FBXO41: variants seen among roughly 807,000 people sequenced by gnomAD.
FBXO41 encodes F-box protein 41.
Under a neutral mutation model 81.6 loss-of-function variants are expected in FBXO41, and 33 were observed. The ratio of observed to expected loss-of-function variants is 0.40; its 90% CI spans 0.31 to 0.54. The LOEUF (loss-of-function observed/expected upper bound fraction) is 0.54, where lower values mean the gene tolerates loss of function less well. Among genes scored for constraint, FBXO41 ranks in the 20% least tolerant of loss-of-function variants. The pLI is 0.39. For synonymous variants in FBXO41, 576 were observed against 552.7 expected (o/e 1.04, Z -0.59); for missense variants, 1,107 against 1,236.0 (o/e 0.90, Z 1.56).
chr2:73,276,856 A>G (rs928557602), intron 1 of FBXO41, among the ~76,000 whole-genome samples: 1 of 150,364 alleles, frequency 6.7e-6, no homozygotes, highest in Admixed American at 6.6e-5. Flanking sequence ...CAAAGTGACC[A>G]GAGATATTCT....
rs192354258 is a variant in FBXO41 at position 73,276,987 on chromosome 2, G to T, written c.-139+7173C>A. ...TAACTAAGTGCTGGTCCTTCCTGTG[G>T]GGGGCATCTTTCAGGGCCCCAGAAG... is the stretch of plus-strand genomic sequence containing the variant. On this transcript the variant is annotated intron_variant, in intron 1 of 12. Coordinates refer to ENST00000520530, the MANE Select transcript of FBXO41 (RefSeq NM_001371389.2). Among the ~76,000 whole-genome samples, 274 of 152,286 alleles carry T rather than the reference G, an allele frequency of 1.8e-3. 1 individual carries two copies. Among genetic ancestry groups the T allele is most frequent in the African/African-American group, 6.4e-3 (266 of 41,548 alleles).
rs752514254 is a variant in FBXO41 at position 73,259,287 on chromosome 2, C to T, written c.2459G>A (p.Arg820Gln). 14 of 1,613,864 alleles carry T rather than the reference C, an allele frequency of 8.7e-6. No individual in the cohort carries two copies. Among genetic ancestry groups the T allele is most frequent in the Middle Eastern group, 3.3e-4 (2 of 6,084 alleles). The part of the protein sequence containing the change: ...KALLHFNSIC[R>Q]NLKSIVVQIG... ...CTGGACCACAATGGACTTGAGGTTCCGGCAGATGCCTGAGAAAAGGTGAGC... is the reference window on the plus strand; with the variant it reads ...CTGGACCACAATGGACTTGAGGTTCTGGCAGATGCCTGAGAAAAGGTGAGC... Residue 820 changes from arginine (R) to glutamine (Q), a missense_variant, in exon 12 of 13, where the codon CGG becomes CAG. By Grantham distance (43) the Arg-to-Gln change is conservative. This residue lies in a region of FBXO41 where 336 missense variants were observed against 446.7 expected (regional missense o/e 0.75). Transcript: ENST00000520530. This position sits in a 1 kb window ranked among gnomAD's most constrained non-coding sequence, Gnocchi z 4.2.
intron 4 of FBXO41, 95 bp downstream of exon 4, chr2:73,265,798 G>A: frequency 6.8e-7 from 1 of 1,472,512 alleles, no homozygotes; most frequent in Non-Finnish European, 9.2e-7. Context: ...CCCAGGGAGG[G>A]TAGGGGCAGG....
At position 73,269,286 on chromosome 2, in the gene FBXO41, G is replaced by A. The variant is rs973811091; in HGVS notation, c.345C>T (p.Leu115=). 16 of 1,530,858 alleles carry A rather than the reference G, an allele frequency of 1.0e-5. No homozygotes were observed. In the African/African-American group the frequency reaches 2.3e-4, roughly 22 times the overall value. The allele number at this position is 1,530,858 out of a possible 1,614,324, so 94.8% of individuals were successfully genotyped here. Residue 115 remains leucine, a synonymous_variant, in exon 2 of 13, where the codon CTC becomes CTT. Transcript: ENST00000520530. This position sits in a 1 kb window ranked among gnomAD's most constrained non-coding sequence, Gnocchi z 7.0. ...GCACCAGGTCGCCGGGGAAGTGGGC[G>A]AGGGGAGCGTGGTGATGGTGGTGGT... ...LLHHHHHHAP[L]AHFPGDLVPA...
intron 1 of FBXO41, among the ~76,000 whole-genome samples, chr2:73,277,365 C>G (rs1170084755): frequency 4.6e-5 from 7 of 152,198 alleles, no homozygotes; most frequent in Admixed American, 2.0e-4. Context: ...GGAGGTAGGA[C>G]AGCAGGAAAA....
chr2:73,270,452 A>G (rs1688459652), intron 1 of FBXO41, among the ~76,000 whole-genome samples: 1 of 152,186 alleles, frequency 6.6e-6, no homozygotes, highest in Admixed American at 6.5e-5. Context: ...GCACCCCCAC[A>G]CAGGCTGGAA....
chr2:73,266,617 C>G lies in FBXO41; in HGVS notation c.971G>C (p.Arg324Pro). The change falls in exon 3 of 13, where the codon CGG (arginine) becomes CCG (proline). Residue 324 changes from arginine to proline, a missense_variant. Transcript: ENST00000520530. This position sits in a 1 kb window ranked among gnomAD's most constrained non-coding sequence, Gnocchi z 5.3. ...GAGCTCCTCAATGAACTGCTGCAGC[C>G]GCAGCTTGGCGCTGGCCTCCCGCGC... ...TAAREASAKLRLQQFIEELLE... is the reference protein window; with the variant it reads ...TAAREASAKLPLQQFIEELLE... 6.2e-7 allele frequency: 1 copy of G among 1,609,992 alleles called. No homozygotes were observed. Among genetic ancestry groups the G allele is most frequent in the Non-Finnish European group, 8.5e-7 (1 of 1,178,394 alleles).
chr2:73,269,631 G>A lies in FBXO41; in HGVS notation c.-1C>T, dbSNP rs1688423988. 8.3e-7 allele frequency: 1 copy of A among 1,209,578 alleles called. No individual in the cohort carries two copies. Among genetic ancestry groups the A allele is most frequent in the Non-Finnish European group, 1.0e-6 (1 of 971,478 alleles). 74.9% of individuals were successfully genotyped at this position (1,209,578 alleles called of 1,614,324 possible). On this transcript the variant is annotated 5_prime_UTR_variant, in exon 2 of 13. Transcript: ENST00000520530. The surrounding 1 kb of genome is among the most constrained non-coding windows in gnomAD (Gnocchi z 7.0). ...GGTACGGCAGGTCCAGCGAGGCCAT[G>A]GCCCCGCCGCCCCCGCGGCACGCGG...
rs1325317104 is a variant in FBXO41, at chr2:73,257,187, G to A, written c.*1795C>T. On this transcript the variant is annotated 3_prime_UTR_variant, in exon 13 of 13. Transcript: ENST00000520530. The surrounding 1 kb of genome is among the most constrained non-coding windows in gnomAD (Gnocchi z 4.6). Reference sequence around the variant, plus strand: ...GAAGCCAATGGAGCCAGCTGCTCTGGGGTAGGAGGCAAGGGGTGCCACACA... The same window carrying A: ...GAAGCCAATGGAGCCAGCTGCTCTGAGGTAGGAGGCAAGGGGTGCCACACA... 1 of 153,146 alleles carries A rather than the reference G, an allele frequency of 6.5e-6. No homozygotes were observed. The highest frequency in any genetic ancestry group is 1.5e-5 in the Non-Finnish European group (1 of 68,588). 9.5% of individuals were successfully genotyped at this position (153,146 alleles called of 1,614,324 possible).
chr2:73,259,447 G>A lies in FBXO41; in HGVS notation c.2450-151C>T, dbSNP rs552942218. ...AGACTCATGCCACCTGGGGGCTGGC[G>A]ACCGGATGCGGGGAGAGGTAGATGG... On this transcript the variant is annotated intron_variant, in intron 11 of 12. Transcript: ENST00000520530. The surrounding 1 kb of genome is among the most constrained non-coding windows in gnomAD (Gnocchi z 4.2). Among the ~76,000 whole-genome samples the A allele has an allele frequency of 3.3e-5, 5 of 152,312 alleles. No individual in the cohort carries two copies. The highest frequency in any genetic ancestry group is 2.0e-4 in the Admixed American group (3 of 15,310).
intron 1 of FBXO41, among the ~76,000 whole-genome samples, chr2:73,280,031 CCCG>C (rs1175048711): frequency 3.3e-5 from 5 of 152,068 alleles, no homozygotes; most frequent in Non-Finnish European, 5.9e-5. Context: ...TGCCCCAACA[CCCG>C]CCTTCAAACA....
chr2:73,273,591 C>T (rs897673994), intron 1 of FBXO41, among the ~76,000 whole-genome samples: 6 of 152,214 alleles, frequency 3.9e-5, no homozygotes, highest in East Asian at 1.9e-4. Flanking sequence ...CAGTCTGGGC[C>T]GATACAGTCA....
chr2:73,264,132 A>G, intron 6 of FBXO41, 79 bp from the exon 7 acceptor site: 22 of 1,552,282 alleles, frequency 1.4e-5, no homozygotes, highest in South Asian at 5.9e-5. Context: ...CCCAGGATAG[A>G]AGGCCCCATG....
intron 1 of FBXO41, among the ~76,000 whole-genome samples, chr2:73,274,672 T>C (rs1364928671): frequency 6.6e-6 from 1 of 152,206 alleles, no homozygotes; most frequent in African/African-American, 2.4e-5. Context: ...AGACTGACAA[T>C]GACTTGGTAG....
chr2:73,267,107 G>C (rs115232930), intron 2 of FBXO41, among the ~76,000 whole-genome samples: 7 of 151,848 alleles, frequency 4.6e-5, no homozygotes, highest in African/African-American at 1.5e-4. Flanking sequence ...CATGTCCTTC[G>C]ATACCCAGCA....
In FBXO41 at chr2:73,265,189, G is replaced by A. The variant is rs1034726499; in HGVS notation, c.1564+93C>T. The A allele has an allele frequency of 6.5e-6, 8 of 1,237,004 alleles. No homozygotes were observed. The Admixed American group carries it at 1.3e-4, about 20-fold the overall frequency. The allele number at this position is 1,237,004 out of a possible 1,614,324, so 76.6% of individuals were successfully genotyped here. A position where few individuals can be genotyped will look rare whatever the true frequency, so the allele number is the denominator to read the frequency against. On this transcript the variant is annotated intron_variant, in intron 5 of 12. Transcript: ENST00000520530. ...TTGAAGGGCGCTATGTAGGAGGGGT[G>A]GGCAAGTCTGGGGAAAGGGGAGGGG...
chr2:73,274,547 C>G (rs141074099), intron 1 of FBXO41, among the ~76,000 whole-genome samples: 2 of 152,222 alleles, frequency 1.3e-5, no homozygotes, highest in East Asian at 1.9e-4. Context: ...CTCTCCCTAC[C>G]CAGAGATTAT....
At chr2:73,264,674 G>A (rs1053405767) in intron 5 of FBXO41, among the ~76,000 whole-genome samples, 155 bp from the exon 6 acceptor site, 2 of 152,128 alleles carry the variant, frequency 1.3e-5, no homozygotes, top group Admixed American at 1.3e-4. Context: ...CTGCCTCCCT[G>A]TCCTTTGCGG....
At chr2:73,271,629 C>CCA (rs985793627) in intron 1 of FBXO41, 2 of 147,486 alleles carry the variant, frequency 1.4e-5, no homozygotes, top group Non-Finnish European at 3.0e-5. Flanking sequence ...GCACTCCCCC[C>CCA]CCCCCAACTT....
Sources: allele counts gnomAD v4.1 joint callset (sites outside exome capture counted in the v4.1 genomes callset), GRCh38; gene constraint gnomAD v4.1.1; regional missense constraint gnomAD v4.1.1; non-coding constraint Gnocchi (gnomAD v3.1); transcripts MANE v1.5; gene names NCBI Gene and HGNC (gene_info 2026-07-23, HGNC 2026-07-21).